The following HERC3 variants were observed in gnomAD, a reference collection of about 807,000 sequenced individuals.
The protein encoded by HERC3 is probable E3 ubiquitin-protein ligase HERC3.
Under a neutral mutation model 129.9 loss-of-function variants are expected in HERC3, and 58 were observed. That is an observed-to-expected ratio of 0.45 (90% CI 0.36 to 0.56). The LOEUF (loss-of-function observed/expected upper bound fraction) is 0.56, where lower values mean the gene tolerates loss of function less well. Ranked by LOEUF, HERC3 falls within the 20% of genes least tolerant of loss-of-function variation. HERC3 has a pLI of 0.00. For synonymous variants in HERC3, 430 were observed against 451.0 expected, an observed-to-expected ratio of 0.95 and a Z score of 0.59; for missense variants, 835 against 1,244.2, an observed-to-expected ratio of 0.67 and a Z score of 4.95.
intron 3 of HERC3, among the ~76,000 whole-genome samples, chr4:88,616,269 G>A (rs551395191): frequency 1.3e-5 from 2 of 152,172 alleles, no homozygotes; most frequent in East Asian, 3.9e-4. Flanking sequence ...TCCACATATG[G>A]ACATGCATAC....
intron 23 of HERC3, chr4:88,693,072 A>G (rs980501161): frequency 7.3e-5 from 72 of 979,618 alleles, no homozygotes; most frequent in Admixed American, 1.2e-4. Flanking sequence ...ATGCTATTTC[A>G]GAGTACTCAT....
chr4:88,678,189 T>A, intron 19 of HERC3, 55 bp downstream of exon 19: 3 of 1,497,090 alleles, frequency 2.0e-6, no homozygotes, highest in African/African-American at 1.4e-5. Context: ...CTTTGAACAG[T>A]GTTGATTAAG....
At chr4:88,693,359 T>C (rs954644711) in intron 23 of HERC3, 1 of 963,394 alleles carries the variant, frequency 1.0e-6, no homozygotes, top group Non-Finnish European at 1.2e-6. Context: ...GATAAATTGA[T>C]TTTGCTAATG....
the HERC3 span, among the ~76,000 whole-genome samples, chr4:88,541,598 G>A: frequency 6.6e-6 from 1 of 152,156 alleles, no homozygotes; most frequent in East Asian, 1.9e-4. Context: ...AGGCCTAATA[G>A]ACATCTACAG....
chr4:88,555,625 A>G, the HERC3 span, among the ~76,000 whole-genome samples: 1 of 152,230 alleles, frequency 6.6e-6, no homozygotes, highest in Non-Finnish European at 1.5e-5. Flanking sequence ...GTATTTATTG[A>G]AAACAATATT....
the HERC3 span, among the ~76,000 whole-genome samples, chr4:88,577,212 C>A: frequency 0.015 from 2,262 of 152,174 alleles, 23 homozygotes; most frequent in Non-Finnish European, 0.022. Flanking sequence ...GGTTCAAGGT[C>A]CTTTAGACTA....
chr4:88,535,891 A>G, the HERC3 span, among the ~76,000 whole-genome samples: 3,091 of 152,304 alleles, frequency 0.02, 85 homozygotes, highest in African/African-American at 0.052. Flanking sequence ...GAGTAGAAAT[A>G]ATGCAAATGT....
the HERC3 span, among the ~76,000 whole-genome samples, chr4:88,584,672 C>T: frequency 0.034 from 5,131 of 152,276 alleles, 283 homozygotes; most frequent in East Asian, 0.27. Flanking sequence ...CAGAGTTCCT[C>T]TCTCTTTACC....
chr4:88,547,893 T>A, the HERC3 span, among the ~76,000 whole-genome samples: 1 of 152,288 alleles, frequency 6.6e-6, no homozygotes, highest in African/African-American at 2.4e-5. Flanking sequence ...TGGCCTTGAA[T>A]GATCTGCCTG....
the HERC3 span, among the ~76,000 whole-genome samples, chr4:88,535,324 T>C: frequency 6.6e-6 from 1 of 152,202 alleles, no homozygotes; most frequent in Non-Finnish European, 1.5e-5. Flanking sequence ...CAATGGAAAA[T>C]ACGACTAAAT....
At chr4:88,572,343 G>A in the HERC3 span, among the ~76,000 whole-genome samples, 9 of 151,798 alleles carry the variant, frequency 5.9e-5, no homozygotes, top group East Asian at 1.2e-3. Context: ...CAGGAGGATC[G>A]TTTGAGCCCA....
chr4:88,527,587 G>C, the HERC3 span: 2 of 211,774 alleles, frequency 9.4e-6, no homozygotes, highest in Admixed American at 1.2e-4. Context: ...TTCTGTGGCT[G>C]CTGCAGTTAT....
chr4:88,610,428 TG>T (rs1724175229), intron 3 of HERC3, among the ~76,000 whole-genome samples: 1 of 120,974 alleles, frequency 8.3e-6, no homozygotes, highest in Non-Finnish European at 1.6e-5. Flanking sequence ...CACTCCAGCC[TG>T]GGGGACAGAG....
chr4:88,682,066 T>C (rs955236643), intron 21 of HERC3, among the ~76,000 whole-genome samples: 1 of 152,248 alleles, frequency 6.6e-6, no homozygotes, highest in Non-Finnish European at 1.5e-5. Flanking sequence ...TGTTTTGTTA[T>C]ATGGATATGC....
intron 11 of HERC3, 22 bp from the exon 12 acceptor site, chr4:88,664,131 C>T (rs1730799945): frequency 2.5e-6 from 4 of 1,601,232 alleles, no homozygotes; most frequent in Non-Finnish European, 3.4e-6. Context: ...AGGCTTCCCC[C>T]TCCCTTCTTT....
At chr4:88,664,260 C>G in intron 12 of HERC3, 48 bp downstream of exon 12, 1 of 1,467,250 alleles carries the variant, frequency 6.8e-7, no homozygotes, top group Non-Finnish European at 9.5e-7. Flanking sequence ...CCTGTAGTCT[C>G]AAGCTATTTG....
the HERC3 span, among the ~76,000 whole-genome samples, chr4:88,578,237 G>GA: frequency 7.9e-5 from 12 of 152,240 alleles, no homozygotes; most frequent in South Asian, 2.1e-3. Context: ...ACAATAGTGA[G>GA]AAAAAATGTA....
chr4:88,620,410 C>T (rs114303669), intron 3 of HERC3, among the ~76,000 whole-genome samples: 1,662 of 152,266 alleles, frequency 0.011, 33 homozygotes, highest in African/African-American at 0.037. Context: ...CTGTAAATGG[C>T]CTTTCCATTC....
the HERC3 span, among the ~76,000 whole-genome samples, chr4:88,584,146 G>A: frequency 1.3e-5 from 2 of 152,194 alleles, no homozygotes. Flanking sequence ...TCTTCTGGAA[G>A]CTCTGAGGGA....
Sources: gnomAD v4.1 joint callset for allele counts (sites outside exome capture counted in the v4.1 genomes callset) on GRCh38, gnomAD v4.1.1 for gene constraint, MANE v1.5 for transcripts, NCBI Gene and HGNC (gene_info 2026-07-23, HGNC 2026-07-21) for gene names.